Variants in SESTD1 observed in about 807,000 individuals in gnomAD.
SESTD1 encodes SEC14 domain and spectrin repeat-containing protein 1.
Under a neutral mutation model 101.7 loss-of-function variants are expected in SESTD1, and 43 were observed. The ratio of observed to expected loss-of-function variants is 0.42; its 90% CI spans 0.33 to 0.55. SESTD1 has a LOEUF of 0.55. Ranked by LOEUF, SESTD1 falls within the 20% of genes least tolerant of loss-of-function variation. SESTD1 has a pLI of 0.07. For synonymous variants in SESTD1, 283 were observed against 286.8 expected (o/e 0.99, Z 0.13); for missense variants, 647 against 815.1 (o/e 0.79, Z 2.51).
Position 179,155,411 on chromosome 2 carries a change from G to A in SESTD1, c.370-4020C>T, listed in dbSNP as rs117459431. 8.5e-4 allele frequency among the ~76,000 whole-genome samples: 130 copies of A among 152,114 alleles called. 4 individuals are homozygous for A. The East Asian group carries it at 0.023, about 27-fold the overall frequency. On this transcript the variant is annotated intron_variant, in intron 5 of 17. Transcript: ENST00000428443. ...GAGTAAATAAATTACTTGCTAAATTGAGCATGAATTCACATCTGAAAAGAT... is the reference window on the plus strand; with the variant it reads ...GAGTAAATAAATTACTTGCTAAATTAAGCATGAATTCACATCTGAAAAGAT...
chr2:179,156,888 T>C (rs886778117), intron 5 of SESTD1, among the ~76,000 whole-genome samples: 1 of 152,196 alleles, frequency 6.6e-6, no homozygotes, highest in African/African-American at 2.4e-5. Flanking sequence ...GGTCATGAAA[T>C]CTTTGCCTAA....
chr2:179,104,766 T>G lies in SESTD1; in HGVS notation c.*5133A>C, dbSNP rs907975578. On this transcript the variant is annotated 3_prime_UTR_variant, in exon 18 of 18. Transcript: ENST00000428443. ...CCTATAAAATTACATATAGGAATTA[T>G]ACATACAGCCTCATAAAGTTCTCCA... 5 of 152,156 alleles carry G rather than the reference T, an allele frequency of 3.3e-5. No homozygotes were observed. The highest frequency in any genetic ancestry group is 2.6e-4 in the Admixed American group (4 of 15,252). 9.4% of individuals were successfully genotyped at this position (152,156 alleles called of 1,614,324 possible). A position where few individuals can be genotyped will look rare whatever the true frequency, so the allele number is the denominator to read the frequency against.
intron 1 of SESTD1, among the ~76,000 whole-genome samples, chr2:179,221,623 A>T (rs2046816946): frequency 6.6e-6 from 1 of 151,590 alleles, no homozygotes; most frequent in Non-Finnish European, 1.5e-5. Flanking sequence ...TTAAGGAAAA[A>T]AAAAAAAAAA....
intron 1 of SESTD1, among the ~76,000 whole-genome samples, chr2:179,263,733 C>G (rs1165286044): frequency 6.6e-6 from 1 of 152,222 alleles, no homozygotes; most frequent in Non-Finnish European, 1.5e-5. Flanking sequence ...GGTGAAATCC[C>G]ACCCGTACCC....
intron 5 of SESTD1, among the ~76,000 whole-genome samples, chr2:179,157,883 G>A (rs999531992): frequency 2.0e-5 from 3 of 152,108 alleles, no homozygotes; most frequent in African/African-American, 4.8e-5. Flanking sequence ...AGACAGTTGT[G>A]TAATGCACAA....
At position 179,248,110 on chromosome 2, in the gene SESTD1, C is replaced by T. The variant is rs569013127; in HGVS notation, c.-26+16389G>A. Among the ~76,000 whole-genome samples, 6 of 151,918 alleles carry T rather than the reference C, an allele frequency of 3.9e-5. No homozygotes were observed. The East Asian group carries it at 7.8e-4, about 20-fold the overall frequency. ...ACACAGATTACCAGTATCTGGAATG[C>T]AACAGAGATCTCATGGCAGACTCTG... On this transcript the variant is annotated intron_variant, in intron 1 of 17. Coordinates refer to ENST00000428443, the MANE Select transcript of SESTD1 (RefSeq NM_178123.5).
intron 1 of SESTD1, among the ~76,000 whole-genome samples, chr2:179,252,924 G>T (rs1019958311): frequency 6.6e-6 from 1 of 151,950 alleles, no homozygotes; most frequent in Non-Finnish European, 1.5e-5. Flanking sequence ...GACCATTTTT[G>T]CATATCTTCC....
intron 3 of SESTD1, among the ~76,000 whole-genome samples, chr2:179,178,201 A>T (rs1315571750): frequency 6.6e-6 from 1 of 152,256 alleles, no homozygotes; most frequent in East Asian, 1.9e-4. Context: ...CATGTGAATT[A>T]TATCTCAATA....
chr2:179,126,277 T>C (rs146467499), intron 10 of SESTD1, among the ~76,000 whole-genome samples: 2 of 152,312 alleles, frequency 1.3e-5, no homozygotes, highest in Non-Finnish European at 2.9e-5. Flanking sequence ...AAAAATTCCA[T>C]CTTGCCACAA....
chr2:179,235,412 T>C (rs2047051712), intron 1 of SESTD1, among the ~76,000 whole-genome samples: 1 of 152,204 alleles, frequency 6.6e-6, no homozygotes, highest in South Asian at 2.1e-4. Flanking sequence ...CTTTGCAATT[T>C]TTCTATAAGT....
In SESTD1 at chr2:179,194,976, T is replaced by A. The variant is rs2046368431; in HGVS notation, c.-25-3110A>T. Among the ~76,000 whole-genome samples, 3 of 152,276 alleles carry A rather than the reference T, an allele frequency of 2.0e-5. No individual in the cohort carries two copies. The South Asian group carries it at 6.2e-4, about 32-fold the overall frequency. ...ATTGCTGGACACAGCCTTCAAGTTC[T>A]TCAGTAATTGAGAACAGAATAAGGG... On this transcript the variant is annotated intron_variant, in intron 1 of 17. Transcript: ENST00000428443.
intron 1 of SESTD1, among the ~76,000 whole-genome samples, chr2:179,218,683 A>T (rs2046761264): frequency 6.6e-6 from 1 of 152,236 alleles, no homozygotes; most frequent in Admixed American, 6.5e-5. Context: ...GTTTCCATGG[A>T]TATTTGTATC....
intron 10 of SESTD1, among the ~76,000 whole-genome samples, chr2:179,131,265 A>C (rs1045908996): frequency 2.6e-5 from 4 of 152,072 alleles, no homozygotes; most frequent in Non-Finnish European, 4.4e-5. Context: ...GAAGAAAAAT[A>C]AGAATCAGAT....
intron 1 of SESTD1, among the ~76,000 whole-genome samples, chr2:179,244,325 G>A (rs1217983275): frequency 1.3e-5 from 2 of 151,900 alleles, no homozygotes; most frequent in Non-Finnish European, 2.9e-5. Flanking sequence ...CAGGCATGAT[G>A]GCCCACGCCT....
Position 179,212,026 on chromosome 2 carries a change from C to T in SESTD1, c.-25-20160G>A, listed in dbSNP as rs571539838. On this transcript the variant is annotated intron_variant, in intron 1 of 17. Transcript: ENST00000428443. ...ATTGAAATAATTAAAAAATATCTTCCGTTCCAAGATGGCTGAATAGGAACA... is the reference window on the plus strand; with the variant it reads ...ATTGAAATAATTAAAAAATATCTTCTGTTCCAAGATGGCTGAATAGGAACA... Among the ~76,000 whole-genome samples the T allele has an allele frequency of 8.2e-5, 11 of 134,858 alleles. 2 individuals are homozygous for T. In the East Asian group the frequency reaches 2.0e-3, roughly 24 times the overall value. 88.5% of individuals were successfully genotyped at this position (134,858 alleles called of 152,430 possible).
At chr2:179,171,964 T>A (rs2045936991) in intron 5 of SESTD1, among the ~76,000 whole-genome samples, 156 bp downstream of exon 5, 1 of 152,282 alleles carries the variant, frequency 6.6e-6, no homozygotes, top group South Asian at 2.1e-4. Flanking sequence ...ATTCAGCAAG[T>A]ATCCAAATGC....
intron 2 of SESTD1, among the ~76,000 whole-genome samples, chr2:179,190,121 A>G (rs2046299012): frequency 6.6e-6 from 1 of 152,116 alleles, no homozygotes; most frequent in Non-Finnish European, 1.5e-5. Flanking sequence ...GAAAAAATCC[A>G]GAGATACTAC....
intron 7 of SESTD1, among the ~76,000 whole-genome samples, chr2:179,146,905 GTGTGT>G: frequency 3.0e-5 from 1 of 32,894 alleles, no homozygotes; most frequent in African/African-American, 7.8e-4. Flanking sequence ...TATTCCAGGG[GTGTGT>G]GTGTGTGTGT....
intron 1 of SESTD1, among the ~76,000 whole-genome samples, chr2:179,245,515 C>CAAAAAAAA (rs59103658): frequency 4.4e-5 from 2 of 45,178 alleles, no homozygotes; most frequent in African/African-American, 1.4e-4. Flanking sequence ...GACTCTGTCT[C>CAAAAAAAA]AAAAAAAAAA....
Sources: allele counts gnomAD v4.1 joint callset (sites outside exome capture counted in the v4.1 genomes callset), GRCh38; gene constraint gnomAD v4.1.1; transcripts MANE v1.5; gene names NCBI Gene and HGNC (gene_info 2026-07-23, HGNC 2026-07-21).